The following CBLL1 variants were observed in gnomAD, a reference collection of about 807,000 sequenced individuals.
CBLL1 encodes E3 ubiquitin-protein ligase Hakai.
A neutral mutation model predicts 44.9 loss-of-function variants in CBLL1; 4 were observed. The ratio of observed to expected loss-of-function variants is 0.09; its 90% CI spans 0.04 to 0.20. The LOEUF is 0.20. CBLL1 is among the 10% of genes least tolerant of loss of function. The pLI is 1.00. For missense variants in CBLL1, 569 were observed against 636.7 expected (o/e 0.89, Z 1.14); for synonymous variants, 235 against 202.2 (o/e 1.16, Z -1.38).
intron 4 of CBLL1, among the ~76,000 whole-genome samples, chr7:107,754,815 A>G (rs1793456004): frequency 6.6e-6 from 1 of 152,150 alleles, no homozygotes; most frequent in Non-Finnish European, 1.5e-5. Flanking sequence ...AATTAAAAGT[A>G]TTCTTCAGGA....
chr7:107,744,527 T>G, intron 1 of CBLL1: 1 of 311,614 alleles, frequency 3.2e-6, no homozygotes, highest in Non-Finnish European at 5.9e-6. Context: ...GGCGGGTAGA[T>G]TGCGGTCTCC....
chr7:107,750,794 A>G (rs1381319836), intron 2 of CBLL1, among the ~76,000 whole-genome samples: 2 of 152,182 alleles, frequency 1.3e-5, no homozygotes, highest in African/African-American at 4.8e-5. Context: ...GAACACAGCT[A>G]TGCTCATTCA....
chr7:107,756,435 T>C (rs912108179), intron 5 of CBLL1, among the ~76,000 whole-genome samples: 1 of 152,210 alleles, frequency 6.6e-6, no homozygotes, highest in Non-Finnish European at 1.5e-5. Flanking sequence ...TAACAGATTA[T>C]AACATTTGTT....
chr7:107,750,289 A>G (rs1793226445), intron 2 of CBLL1, among the ~76,000 whole-genome samples: 2 of 151,552 alleles, frequency 1.3e-5, no homozygotes, highest in Admixed American at 1.3e-4. Flanking sequence ...AATTTTGTAT[A>G]CAAAATATTT....
chr7:107,746,900 A>T (rs1793047911), intron 1 of CBLL1, among the ~76,000 whole-genome samples: 1 of 147,692 alleles, frequency 6.8e-6, no homozygotes, highest in African/African-American at 2.5e-5. Flanking sequence ...TAAAATATTT[A>T]TTGGTTCTTT....
chr7:107,760,046 A>G lies in CBLL1; in HGVS notation c.*868A>G, dbSNP rs1159049941. 6.6e-6 allele frequency: 1 copy of G among 152,156 alleles called. No individual in the cohort carries two copies. The highest frequency in any genetic ancestry group is 1.5e-5 in the Non-Finnish European group (1 of 67,950). 9.4% of individuals were successfully genotyped at this position (152,156 alleles called of 1,614,324 possible). A position where few individuals can be genotyped will look rare whatever the true frequency, so the allele number is the denominator to read the frequency against. On this transcript the variant is annotated 3_prime_UTR_variant, in exon 6 of 6. Coordinates refer to ENST00000440859, the MANE Select transcript of CBLL1 (RefSeq NM_024814.4). ...ATCTTAAGTAACATTATTTTATAGA[A>G]CTGTTTAAATGGGTTTAAATGGTGT...
chr7:107,745,223 G>T (rs1026615352), intron 1 of CBLL1, among the ~76,000 whole-genome samples: 1 of 151,900 alleles, frequency 6.6e-6, no homozygotes, highest in African/African-American at 2.4e-5. Flanking sequence ...TAATGTTTGC[G>T]GATTATTTTG....
chr7:107,758,782 G>A lies in CBLL1; in HGVS notation c.1080G>A (p.Gln360=). The A allele has an allele frequency of 1.2e-6, 2 of 1,613,128 alleles. No individual in the cohort carries two copies. The highest frequency in any genetic ancestry group is 1.7e-6 in the Non-Finnish European group (2 of 1,179,740). ...PISHPMPHPP[Q]AAGTPHLVYS... ...GCCATCCAATGCCACATCCTCCCCAGGCTGCAGGTACTCCTCACTTGGTAT... is the reference window on the plus strand; with the variant it reads ...GCCATCCAATGCCACATCCTCCCCAAGCTGCAGGTACTCCTCACTTGGTAT... Residue 360 remains glutamine (Q), a synonymous_variant, in exon 6 of 6, where the codon CAG becomes CAA. Transcript: ENST00000440859. The surrounding 1 kb of genome is among the most constrained non-coding windows in gnomAD (Gnocchi z 4.2).
At position 107,759,036 on chromosome 7, in the gene CBLL1, A is replaced by C; in HGVS notation, c.1334A>C (p.Gln445Pro). 6.2e-7 allele frequency: 1 copy of C among 1,613,830 alleles called. No homozygotes were observed. Among genetic ancestry groups the C allele is most frequent in the Non-Finnish European group, 8.5e-7 (1 of 1,179,964 alleles). Residue 445 changes from glutamine to proline, a missense_variant, in exon 6 of 6, where the codon CAA becomes CCA. Physicochemically the swap from Gln to Pro is moderately conservative, Grantham distance 76. Coordinates refer to ENST00000440859, the MANE Select transcript of CBLL1 (RefSeq NM_024814.4). ...GGAACTCTGAGCCCTCCATTTACAC[A>C]ACCAGGGGGAATGAGTCCTGGTATA... is the stretch of plus-strand genomic sequence containing the variant. Reference protein sequence around the residue: ...DQGTLSPPFTQPGGMSPGIWP... With the variant: ...DQGTLSPPFTPPGGMSPGIWP...
intron 3 of CBLL1, 109 bp downstream of exon 3, chr7:107,753,620 T>G (rs572397177): frequency 4.9e-6 from 3 of 606,654 alleles, no homozygotes; most frequent in Admixed American, 7.5e-5. Context: ...TATTATGAAC[T>G]TATAACTATG....
At position 107,758,168 on chromosome 7, in the gene CBLL1, G is replaced by C; in HGVS notation, c.466G>C (p.Glu156Gln). 1 of 1,609,764 alleles carries C rather than the reference G, an allele frequency of 6.2e-7. No individual in the cohort carries two copies. Among genetic ancestry groups the C allele is most frequent in the Non-Finnish European group, 8.5e-7 (1 of 1,176,648 alleles). The change falls in exon 6 of 6, where the codon GAG (glutamate) becomes CAG (glutamine). Residue 156 changes from glutamate to glutamine, a missense_variant. By Grantham distance (29) the Glu-to-Gln change is conservative (BLOSUM62 2). This residue lies in a region of CBLL1 where 209 missense variants were observed against 202.8 expected (regional missense o/e 1.03). Coordinates refer to ENST00000440859, the MANE Select transcript of CBLL1 (RefSeq NM_024814.4). This position sits in a 1 kb window ranked among gnomAD's most constrained non-coding sequence, Gnocchi z 4.2. Reference sequence around the variant, plus strand: ...CTGTAGTGATCCTGTGCAGCGAATTGAGCAGTGTACACGAGGTTCTCTCTT... The same window carrying C: ...CTGTAGTGATCCTGTGCAGCGAATTCAGCAGTGTACACGAGGTTCTCTCTT... The part of the protein sequence containing the change: ...PGCSDPVQRI[E>Q]QCTRGSLFMC...
At chr7:107,745,613 T>C (rs1437648875) in intron 1 of CBLL1, among the ~76,000 whole-genome samples, 2 of 152,126 alleles carry the variant, frequency 1.3e-5, no homozygotes, top group African/African-American at 4.8e-5. Flanking sequence ...CTATGAAGAA[T>C]GGTGTAAGAG....
Position 107,756,579 on chromosome 7 carries a change from G to A in CBLL1, c.440+1088G>A, listed in dbSNP as rs192518131. ...TCAGCATGGTATACATTCATTTTAA[G>A]TTACATAGTAAATTTAATTGCTTCA... On this transcript the variant is annotated intron_variant, in intron 5 of 5. Transcript: ENST00000440859. Among the ~76,000 whole-genome samples, 3 of 152,112 alleles carry A rather than the reference G, an allele frequency of 2.0e-5. No homozygotes were observed. In the East Asian group the frequency reaches 5.8e-4, roughly 29 times the overall value.
At position 107,753,402 on chromosome 7, in the gene CBLL1, T is replaced by G; in HGVS notation, c.182-9T>G. 1 of 1,555,476 alleles carries G rather than the reference T, an allele frequency of 6.4e-7. No homozygotes were observed. Among genetic ancestry groups the G allele is most frequent in the South Asian group, 1.2e-5 (1 of 81,994 alleles). On this transcript the variant is annotated splice_polypyrimidine_tract_variant and intron_variant, in intron 2 of 5. Transcript: ENST00000440859. ...GGAAAGTTAATGGGCAATACTTTTT[T>G]TTTCTCAGAAGGATTTGATTATAAT... is the stretch of plus-strand genomic sequence containing the variant.
At chr7:107,757,043 A>G (rs902925128) in intron 5 of CBLL1, among the ~76,000 whole-genome samples, 2 of 152,220 alleles carry the variant, frequency 1.3e-5, no homozygotes, top group African/African-American at 4.8e-5. Context: ...GGGAAGCATA[A>G]TAACATCAAT....
intron 5 of CBLL1, among the ~76,000 whole-genome samples, chr7:107,755,943 T>C (rs907167576): frequency 6.6e-6 from 1 of 151,946 alleles, no homozygotes; most frequent in African/African-American, 2.4e-5. Context: ...AAATGAGGTT[T>C]TATATATATA....
intron 1 of CBLL1, 172 bp downstream of exon 1, chr7:107,744,348 G>A (rs1050826730): frequency 1.0e-5 from 8 of 800,106 alleles, no homozygotes; most frequent in East Asian, 3.3e-5. Context: ...CGGTTTCCTG[G>A]CCTACCGTCT....
chr7:107,751,278 C>T (rs1438480931), intron 2 of CBLL1, among the ~76,000 whole-genome samples: 7 of 152,152 alleles, frequency 4.6e-5, no homozygotes, highest in African/African-American at 1.7e-4. Flanking sequence ...GCTGATCTGA[C>T]GGGAGGCGGA....
At chr7:107,748,120 T>C (rs1479797642) in intron 1 of CBLL1, among the ~76,000 whole-genome samples, 1 of 152,156 alleles carries the variant, frequency 6.6e-6, no homozygotes, top group East Asian at 1.9e-4. Context: ...AATTAATTTA[T>C]TCTATAGACA....
Sources: allele counts gnomAD v4.1 joint callset (sites outside exome capture counted in the v4.1 genomes callset), GRCh38; gene constraint gnomAD v4.1.1; regional missense constraint gnomAD v4.1.1; non-coding constraint Gnocchi (gnomAD v3.1); transcripts MANE v1.5; gene names NCBI Gene and HGNC (gene_info 2026-07-23, HGNC 2026-07-21).